Variants in KDM4C observed in about 807,000 individuals in gnomAD.
KDM4C encodes the protein lysine demethylase 4C, also known as lysine-specific demethylase 4C.
KDM4C carries 81 observed loss-of-function variants against 129.3 expected under a neutral mutation model. That is an observed-to-expected ratio of 0.63 (90% CI 0.52 to 0.75). KDM4C has a LOEUF of 0.75. Among genes scored for constraint, KDM4C ranks in the 30% least tolerant of loss-of-function variants. The pLI, the probability that KDM4C is intolerant of heterozygous loss-of-function variation, is 0.00. For synonymous variants in KDM4C, 573 were observed against 456.1 expected, an observed-to-expected ratio of 1.26 and a Z score of -3.26; for missense variants, 1,457 against 1,304.0, an observed-to-expected ratio of 1.12 and a Z score of -1.81.
At chr9:7,048,996 T>A (rs1829791680) in intron 16 of KDM4C, 96 bp from the exon 17 acceptor site, 4 of 764,492 alleles carry the variant, frequency 5.2e-6, no homozygotes, top group Non-Finnish European at 9.0e-6. Context: ...TTCTTGCTCA[T>A]CTGTGTATTT....
chr9:7,050,907 G>A lies in KDM4C; in HGVS notation c.2424+1707G>A, dbSNP rs376424315. ...GCAAGTAAAGATGGTGAAGCTTGTC[G>A]CTTTCCTCACAGTGCTGTGCTTCAT... On this transcript the variant is annotated intron_variant, in intron 17 of 21. Coordinates refer to ENST00000381309, the MANE Select transcript of KDM4C (RefSeq NM_015061.6). Among the ~76,000 whole-genome samples, 8 of 152,280 alleles carry A rather than the reference G, an allele frequency of 5.3e-5. No individual in the cohort carries two copies. In the East Asian group the frequency reaches 1.2e-3, roughly 22 times the overall value.
chr9:6,805,795 A>G (rs776168581), intron 3 of KDM4C, 21 bp downstream of exon 3: 9 of 1,597,130 alleles, frequency 5.6e-6, no homozygotes, highest in South Asian at 4.5e-5. Context: ...TCAGTTTGCT[A>G]TTTCTGTTTC....
intron 17 of KDM4C, among the ~76,000 whole-genome samples, chr9:7,075,190 C>T (rs896486745): frequency 2.0e-5 from 3 of 152,180 alleles, no homozygotes; most frequent in Non-Finnish European, 2.9e-5. Flanking sequence ...GAACGGATCC[C>T]AGCGCATAAT....
chr9:7,083,711 A>ATGTGTGTG (rs142609948), intron 17 of KDM4C, among the ~76,000 whole-genome samples: 27,475 of 143,094 alleles, frequency 0.19, 2,849 homozygotes, highest in Middle Eastern at 0.29. Flanking sequence ...CACATGACTG[A>ATGTGTGTG]TGTGTGTGTG....
chr9:6,986,900 CT>C (rs1299202017), intron 11 of KDM4C: 53 of 425,542 alleles, frequency 1.2e-4, no homozygotes, highest in East Asian at 2.1e-4. Context: ...GCTTGATTTT[CT>C]TTTTTTTGTT....
intron 3 of KDM4C, among the ~76,000 whole-genome samples, chr9:6,807,714 C>T (rs1475195743): frequency 7.0e-6 from 1 of 142,722 alleles, no homozygotes; most frequent in Non-Finnish European, 1.5e-5. Context: ...AGTGAGGAGC[C>T]TCTCCGCCCG....
At chr9:7,150,726 C>T (rs1842654418) in intron 19 of KDM4C, among the ~76,000 whole-genome samples, 3 of 152,178 alleles carry the variant, frequency 2.0e-5, no homozygotes, top group Admixed American at 2.0e-4. Flanking sequence ...AGTGTCAACC[C>T]TGTTTCTAGT....
intron 8 of KDM4C, among the ~76,000 whole-genome samples, chr9:6,923,807 A>T (rs1821979163): frequency 6.6e-6 from 1 of 152,188 alleles, no homozygotes; most frequent in Admixed American, 6.5e-5. Flanking sequence ...TGACTGCAGA[A>T]TCCAGTCTTC....
At chr9:6,812,766 C>T (rs1831397750) in intron 3 of KDM4C, among the ~76,000 whole-genome samples, 1 of 152,210 alleles carries the variant, frequency 6.6e-6, no homozygotes, top group African/African-American at 2.4e-5. Context: ...TGACTCTGAT[C>T]TTTAGTTAGC....
intron 19 of KDM4C, among the ~76,000 whole-genome samples, chr9:7,136,897 T>C (rs1278318483): frequency 2.0e-5 from 3 of 152,240 alleles, no homozygotes; most frequent in African/African-American, 7.2e-5. Flanking sequence ...TTTCATGTCC[T>C]TTCTAGGTAA....
intron 17 of KDM4C, among the ~76,000 whole-genome samples, chr9:7,052,894 A>AGAGAGAGAGAGCGAGAGAGAGAGAGC (rs1339242817): frequency 9.5e-6 from 1 of 105,468 alleles, no homozygotes; most frequent in Non-Finnish European, 2.0e-5. Context: ...AGAGAGAGAG[A>AGAGAGAGAGAGCGAGAGAGAGAGAGC]GAGAGAGCGA....
upstream of KDM4C, chr9:6,757,855 G>C: frequency 2.0e-6 from 2 of 985,626 alleles, no homozygotes; most frequent in Non-Finnish European, 2.4e-6. Flanking sequence ...ACCACAGCGC[G>C]GAAGTTGAGC....
intron 8 of KDM4C, among the ~76,000 whole-genome samples, chr9:6,897,600 T>C (rs1055284324): frequency 1.3e-5 from 2 of 152,172 alleles, no homozygotes; most frequent in African/African-American, 4.8e-5. Context: ...ACATGTTCAT[T>C]TGCTGCTGAT....
intron 19 of KDM4C, among the ~76,000 whole-genome samples, chr9:7,141,569 T>C (rs1338471247): frequency 6.6e-6 from 1 of 152,192 alleles, no homozygotes; most frequent in Non-Finnish European, 1.5e-5. Context: ...GTGTCAAATA[T>C]AACTCCCAGG....
intron 8 of KDM4C, among the ~76,000 whole-genome samples, chr9:6,964,857 G>C (rs1461823685): frequency 6.6e-6 from 1 of 151,298 alleles, no homozygotes; most frequent in Non-Finnish European, 1.5e-5. Flanking sequence ...GGGAGGCTGA[G>C]GCAGGAGAAT....
chr9:6,900,549 T>C (rs1817220224), intron 8 of KDM4C, among the ~76,000 whole-genome samples: 1 of 152,204 alleles, frequency 6.6e-6, no homozygotes, highest in Non-Finnish European at 1.5e-5. Flanking sequence ...GTGGGAGGAC[T>C]GCTTGAGCCC....
At chr9:7,013,650 T>C (rs1823102682) in intron 13 of KDM4C, 138 bp from the exon 14 acceptor site, 2 of 716,114 alleles carry the variant, frequency 2.8e-6, no homozygotes, top group South Asian at 2.0e-5. Flanking sequence ...AAAAAACTAG[T>C]AGTTTGGTCA....
At chr9:6,840,270 G>A (rs935783058) in intron 4 of KDM4C, among the ~76,000 whole-genome samples, 2 of 151,752 alleles carry the variant, frequency 1.3e-5, no homozygotes, top group Admixed American at 1.3e-4. Context: ...ATGGGGTTTT[G>A]CTATGTTGTC....
At chr9:7,168,338 A>T (rs947518023) in intron 20 of KDM4C, among the ~76,000 whole-genome samples, 5 of 152,140 alleles carry the variant, frequency 3.3e-5, no homozygotes, top group African/African-American at 1.2e-4. Context: ...AATTCAGACA[A>T]AATTTAGGGA....
Sources: gnomAD v4.1 joint callset for allele counts (sites outside exome capture counted in the v4.1 genomes callset) on GRCh38, gnomAD v4.1.1 for gene constraint, MANE v1.5 for transcripts, NCBI Gene and HGNC (gene_info 2026-07-23, HGNC 2026-07-21) for gene names.